The following CNTN1 variants were observed in gnomAD, a reference collection of about 807,000 sequenced individuals.
The protein encoded by CNTN1 is contactin 1.
A neutral mutation model predicts 126.4 loss-of-function variants in CNTN1; 38 were observed. The ratio of observed to expected loss-of-function variants is 0.30; its 90% confidence interval spans 0.23 to 0.39. The LOEUF (loss-of-function observed/expected upper bound fraction) is 0.39. CNTN1 is among the 10% of genes least tolerant of loss of function. The pLI is 1.00. For missense variants in CNTN1, 1,009 were observed against 1,248.4 expected, an observed-to-expected ratio of 0.81 and a Z score of 2.89; for synonymous variants, 413 against 422.6, an observed-to-expected ratio of 0.98 and a Z score of 0.28.
intron 1 of CNTN1, among the ~76,000 whole-genome samples, chr12:40,803,345 G>T (rs1159893842): frequency 6.6e-6 from 1 of 151,878 alleles, no homozygotes; most frequent in Non-Finnish European, 1.5e-5. Flanking sequence ...TTGTGGGGAG[G>T]CATTGTCCCT....
chr12:40,974,922 T>G (rs980816248), intron 15 of CNTN1, among the ~76,000 whole-genome samples: 1 of 152,032 alleles, frequency 6.6e-6, no homozygotes, highest in Non-Finnish European at 1.5e-5. Context: ...CCATGTAAAT[T>G]TTATATTGTT....
rs148393172 is a variant in CNTN1 at position 40,993,182 on chromosome 12, G to C, written c.2026G>C (p.Glu676Gln). 1.2e-6 allele frequency: 2 copies of C among 1,613,410 alleles called. No homozygotes were observed. The highest frequency in any genetic ancestry group is 2.7e-5 in the African/African-American group (2 of 74,926). The change falls in exon 17 of 24, where the codon GAG (glutamate) becomes CAG (glutamine). Residue 676 changes from glutamate (E) to glutamine (Q), a missense_variant. By Grantham distance (29) the Glu-to-Gln change is conservative. Coordinates refer to ENST00000551295, the MANE Select transcript of CNTN1 (RefSeq NM_001843.4). ...AGCAGTGGACTTAATCCCATGGATGGAGTATGAATTCCGCGTGGTAGCAAC... is the reference window on the plus strand; with the variant it reads ...AGCAGTGGACTTAATCCCATGGATGCAGTATGAATTCCGCGTGGTAGCAAC... ...ARAVDLIPWM[E>Q]YEFRVVATNT...
At chr12:40,795,010 G>A (rs564091988) in intron 1 of CNTN1, among the ~76,000 whole-genome samples, 2 of 152,150 alleles carry the variant, frequency 1.3e-5, no homozygotes, top group South Asian at 4.1e-4. Flanking sequence ...GTGGATGTGG[G>A]TAATATCTGC....
At chr12:40,989,601 T>C (rs909970087) in intron 16 of CNTN1, among the ~76,000 whole-genome samples, 3 of 152,194 alleles carry the variant, frequency 2.0e-5, no homozygotes, top group Non-Finnish European at 4.4e-5. Context: ...GTGATTGATA[T>C]AGACAAAGCT....
At chr12:40,877,263 T>C (rs962508695) in intron 1 of CNTN1, among the ~76,000 whole-genome samples, 1 of 152,182 alleles carries the variant, frequency 6.6e-6, no homozygotes, top group Admixed American at 6.5e-5. Context: ...TGAGTTTCCT[T>C]GAATTGCATT....
At chr12:40,825,532 C>T (rs182758795) in intron 1 of CNTN1, among the ~76,000 whole-genome samples, 2 of 152,232 alleles carry the variant, frequency 1.3e-5, no homozygotes, top group African/African-American at 4.8e-5. Flanking sequence ...GCAAAGACAT[C>T]ACATTTGTCT....
At chr12:41,059,568 T>C (rs1949896301) in intron 23 of CNTN1, among the ~76,000 whole-genome samples, 1 of 152,212 alleles carries the variant, frequency 6.6e-6, no homozygotes, top group Non-Finnish European at 1.5e-5. Context: ...TACCTAAGTT[T>C]ACTGTCTTTT....
rs558236860 is a variant in CNTN1, at chr12:41,038,353, A to C, written c.2980+9134A>C. 4.6e-5 allele frequency among the ~76,000 whole-genome samples: 7 copies of C among 151,988 alleles called. No homozygotes were observed. The South Asian group carries it at 1.2e-3, about 27-fold the overall frequency. Reference sequence around the variant, plus strand: ...ACTGGGTGGCTTTGTTCATTTTCTCAATTTTGGGGGCTAGATCAAGATGTT... The same window carrying C: ...ACTGGGTGGCTTTGTTCATTTTCTCCATTTTGGGGGCTAGATCAAGATGTT... On this transcript the variant is annotated intron_variant, in intron 23 of 23. Transcript: ENST00000551295.
chr12:40,838,923 C>G (rs566944201), intron 1 of CNTN1, among the ~76,000 whole-genome samples: 1 of 152,122 alleles, frequency 6.6e-6, no homozygotes, highest in Non-Finnish European at 1.5e-5. Flanking sequence ...AGATCTTAAT[C>G]GAAACAAAAT....
intron 1 of CNTN1, among the ~76,000 whole-genome samples, chr12:40,819,398 T>G (rs1434494453): frequency 1.3e-5 from 2 of 152,080 alleles, no homozygotes; most frequent in Non-Finnish European, 2.9e-5. Context: ...TTGGAAATCC[T>G]GTAGGAAAGC....
At chr12:40,900,235 C>A (rs1041017522) in intron 1 of CNTN1, among the ~76,000 whole-genome samples, 2 of 152,090 alleles carry the variant, frequency 1.3e-5, no homozygotes, top group Non-Finnish European at 2.9e-5. Context: ...TGATGTAATG[C>A]AAGCAGAGGA....
At chr12:40,788,487 G>A (rs1223750129) in intron 1 of CNTN1, among the ~76,000 whole-genome samples, 1 of 152,156 alleles carries the variant, frequency 6.6e-6, no homozygotes, top group East Asian at 1.9e-4. Context: ...TTTGCCTCAT[G>A]GTGACCTATT....
At chr12:40,857,291 T>G (rs1942946456) in intron 1 of CNTN1, among the ~76,000 whole-genome samples, 2 of 152,120 alleles carry the variant, frequency 1.3e-5, no homozygotes, top group Non-Finnish European at 2.9e-5. Context: ...TCCAAAGGTG[T>G]TCACCAAATA....
chr12:40,806,996 T>C (rs571106856), intron 1 of CNTN1, among the ~76,000 whole-genome samples: 1 of 152,234 alleles, frequency 6.6e-6, no homozygotes, highest in South Asian at 2.1e-4. Context: ...GTTATAGAAC[T>C]TTTTTGACTA....
At chr12:40,930,403 T>C (rs893439974) in intron 7 of CNTN1, among the ~76,000 whole-genome samples, 1 of 152,028 alleles carries the variant, frequency 6.6e-6, no homozygotes, top group African/African-American at 2.4e-5. Context: ...TGTAGAATTT[T>C]TTAAGTCATT....
chr12:40,941,768 T>C (rs566613750), intron 12 of CNTN1, among the ~76,000 whole-genome samples: 8 of 152,160 alleles, frequency 5.3e-5, no homozygotes, highest in Non-Finnish European at 1.0e-4. Context: ...AAGTGACCAA[T>C]TGGTTAAAGA....
At chr12:40,875,634 C>G (rs68130371) in intron 1 of CNTN1, among the ~76,000 whole-genome samples, 3,169 of 151,792 alleles carry the variant, frequency 0.021, 33 homozygotes, top group Middle Eastern at 0.031. Flanking sequence ...TGGGATTGAC[C>G]TTTTTTAATC....
rs188782173 is a variant in CNTN1 at position 40,773,412 on chromosome 12, A to G, written c.-77+80820A>G. ...CCATCCTTTCAAATTCTCAAAACCT[A>G]TATTTATTTTTAAAAATATAAGAAT... On this transcript the variant is annotated intron_variant, in intron 1 of 23. Coordinates refer to ENST00000551295, the MANE Select transcript of CNTN1 (RefSeq NM_001843.4). Among the ~76,000 whole-genome samples, 105 of 151,674 alleles carry G rather than the reference A, an allele frequency of 6.9e-4. 1 individual carries two copies. Among genetic ancestry groups the G allele is most frequent in the Non-Finnish European group, 1.2e-3 (82 of 67,722 alleles).
chr12:40,797,212 A>C (rs1357526463), intron 1 of CNTN1, among the ~76,000 whole-genome samples: 2 of 152,118 alleles, frequency 1.3e-5, no homozygotes, highest in African/African-American at 4.8e-5. Flanking sequence ...ATAAATAATT[A>C]CACAAGTAAG....
Sources: allele counts gnomAD v4.1 joint callset (sites outside exome capture counted in the v4.1 genomes callset), GRCh38; gene constraint gnomAD v4.1.1; transcripts MANE v1.5; gene names NCBI Gene and HGNC (gene_info 2026-07-23, HGNC 2026-07-21).